The following SEMA5A variants were observed in gnomAD, a reference collection of about 807,000 sequenced individuals.
SEMA5A encodes the protein semaphorin 5A, also known as semaphorin-5A.
Under a neutral mutation model 135.5 loss-of-function variants are expected in SEMA5A, and 55 were observed. That is an observed-to-expected ratio of 0.41 (90% CI 0.33 to 0.51). The LOEUF (loss-of-function observed/expected upper bound fraction) is 0.51, where lower values mean the gene tolerates loss of function less well. Ranked by LOEUF, SEMA5A falls within the 20% of genes least tolerant of loss-of-function variation. The pLI, the probability that SEMA5A is intolerant of heterozygous loss-of-function variation, is 0.37. For synonymous variants in SEMA5A, 580 were observed against 546.5 expected (o/e 1.06, Z -0.85); for missense variants, 1,290 against 1,419.9 (o/e 0.91, Z 1.47).
chr5:9,254,490 C>T (rs777323003), intron 5 of SEMA5A, among the ~76,000 whole-genome samples: 1 of 152,234 alleles, frequency 6.6e-6, no homozygotes, highest in Admixed American at 6.5e-5. Context: ...AAAAACATCT[C>T]ACATTCATGA....
intron 1 of SEMA5A, among the ~76,000 whole-genome samples, chr5:9,511,182 T>C (rs1736187662): frequency 6.6e-6 from 1 of 152,220 alleles, no homozygotes; most frequent in South Asian, 2.1e-4. Context: ...GAGTGATGAA[T>C]TTTATAGGTA....
intron 5 of SEMA5A, among the ~76,000 whole-genome samples, chr5:9,298,416 C>A (rs565424442): frequency 6.6e-6 from 1 of 152,268 alleles, no homozygotes; most frequent in Middle Eastern, 3.4e-3. Flanking sequence ...AGATTTCAGG[C>A]CTCCAGAACT....
chr5:9,518,787 C>T (rs955739975), intron 1 of SEMA5A, among the ~76,000 whole-genome samples: 46 of 152,232 alleles, frequency 3.0e-4, no homozygotes, highest in African/African-American at 9.1e-4. Flanking sequence ...TTTTAAAAAA[C>T]AGAGGAGATG....
At position 9,190,353 on chromosome 5, in the gene SEMA5A, A is replaced by C; in HGVS notation, c.1187T>G (p.Met396Arg). The change falls in exon 11 of 23, where the codon ATG (methionine) becomes AGG (arginine). Residue 396 changes from methionine (M) to arginine (R), a missense_variant. Around this residue, in one of 3 missense-constraint regions of SEMA5A, gnomAD observed 1,029 missense variants for 1,086.6 expected, o/e 0.95. Transcript: ENST00000382496. ...GTGGGAAAAGCGGCTATTGTCCTCC[A>C]TGAAGGAGGGCACTGTGGTCACTGG... Reference protein sequence around the residue: ...VQPVTTVPSFMEDNSRFSHVA... With the variant: ...VQPVTTVPSFREDNSRFSHVA... 6.2e-7 allele frequency: 1 copy of C among 1,614,012 alleles called. No individual in the cohort carries two copies. Among genetic ancestry groups the C allele is most frequent in the Non-Finnish European group, 8.5e-7 (1 of 1,179,980 alleles).
At chr5:9,198,113 A>G (rs1745517691) in intron 9 of SEMA5A, among the ~76,000 whole-genome samples, 1 of 152,146 alleles carries the variant, frequency 6.6e-6, no homozygotes, top group African/African-American at 2.4e-5. Flanking sequence ...GTGGAGATAA[A>G]ACAAGAAAGC....
Position 9,418,711 on chromosome 5 carries a change from G to A in SEMA5A, c.-78+19045C>T, listed in dbSNP as rs147559580. On this transcript the variant is annotated intron_variant, in intron 2 of 22. Transcript: ENST00000382496. ...TCTGACATATATGTATTTATACCCC[G>A]GAGAGTAATCAAATTGTACTACATA... Among the ~76,000 whole-genome samples, 52 of 152,236 alleles carry A rather than the reference G, an allele frequency of 3.4e-4. No homozygotes were observed. In the Middle Eastern group the frequency reaches 0.01, roughly 30 times the overall value.
chr5:9,181,704 A>C lies in SEMA5A; in HGVS notation c.1273+8563T>G, dbSNP rs151028405. ...GAAACACGTTCCTCTGAGGTCCGGA[A>C]GGGATGCGACAGTGAGTATGTGGAG... is the stretch of plus-strand genomic sequence containing the variant. On this transcript the variant is annotated intron_variant, in intron 11 of 22. Coordinates refer to ENST00000382496, the MANE Select transcript of SEMA5A (RefSeq NM_003966.3). Among the ~76,000 whole-genome samples the C allele has an allele frequency of 9.8e-3, 1,498 of 152,258 alleles. 24 individuals carry two copies. Among genetic ancestry groups the C allele is most frequent in the African/African-American group, 0.034 (1,420 of 41,546 alleles).
At chr5:9,213,371 T>C (rs4702613) in intron 8 of SEMA5A, among the ~76,000 whole-genome samples, 63,348 of 152,026 alleles carry the variant, frequency 0.42, 13,582 homozygotes, top group South Asian at 0.57. Flanking sequence ...ACTTTCATTG[T>C]AGTGGTGGGA....
intron 3 of SEMA5A, among the ~76,000 whole-genome samples, chr5:9,365,203 A>G (rs1754862712): frequency 6.6e-6 from 1 of 152,160 alleles, no homozygotes; most frequent in Non-Finnish European, 1.5e-5. Context: ...TGCTAACAGA[A>G]CCTGATTTTG....
rs139882587 is a variant in SEMA5A, at chr5:9,051,924, C to T, written c.2794G>A (p.Gly932Arg). The change falls in exon 20 of 23, where the codon GGG becomes AGG. Residue 932 changes from glycine to arginine, a missense_variant. Transcript: ENST00000382496. Reference protein sequence around the residue: ...LLFPMGSQCSGNTTESRPCVF... With the variant: ...LLFPMGSQCSRNTTESRPCVF... ...CACGGCCGGCTCTCCGTGGTGTTCCCGGAGCACTGGCTGCCCATGGGGAAC... is the reference window on the plus strand; with the variant it reads ...CACGGCCGGCTCTCCGTGGTGTTCCTGGAGCACTGGCTGCCCATGGGGAAC... 3.6e-4 allele frequency: 583 copies of T among 1,614,148 alleles called. 1 individual carries two copies. Among genetic ancestry groups the T allele is most frequent in the Non-Finnish European group, 4.5e-4 (534 of 1,180,030 alleles).
At chr5:9,269,266 CA>C (rs1404473083) in intron 5 of SEMA5A, among the ~76,000 whole-genome samples, 3 of 152,088 alleles carry the variant, frequency 2.0e-5, no homozygotes, top group African/African-American at 7.2e-5. Flanking sequence ...AGATGGCAGG[CA>C]GGAGATGGCC....
chr5:9,398,957 T>C (rs1756526267), intron 2 of SEMA5A, among the ~76,000 whole-genome samples: 3 of 152,212 alleles, frequency 2.0e-5, no homozygotes, highest in Non-Finnish European at 2.9e-5. Flanking sequence ...GCAAAAATAT[T>C]GTACCATCAT....
chr5:9,109,320 G>A (rs968628508), intron 15 of SEMA5A, among the ~76,000 whole-genome samples: 3 of 152,224 alleles, frequency 2.0e-5, no homozygotes, highest in Admixed American at 6.5e-5. Flanking sequence ...GATTACAGGC[G>A]TGAGCCACCG....
intron 3 of SEMA5A, among the ~76,000 whole-genome samples, chr5:9,342,804 G>C (rs893119756): frequency 6.6e-6 from 1 of 152,124 alleles, no homozygotes; most frequent in Non-Finnish European, 1.5e-5. Context: ...CTTATCATAG[G>C]TGAAGAAACT....
At chr5:9,203,554 C>A (rs1182767094) in intron 8 of SEMA5A, among the ~76,000 whole-genome samples, 2 of 152,168 alleles carry the variant, frequency 1.3e-5, no homozygotes, top group Non-Finnish European at 2.9e-5. Context: ...GGATTGACTA[C>A]TCTGTTATTC....
chr5:9,330,306 C>T (rs911880420), intron 4 of SEMA5A, among the ~76,000 whole-genome samples: 2 of 151,034 alleles, frequency 1.3e-5, no homozygotes, highest in Non-Finnish European at 2.9e-5. Flanking sequence ...AGAAGAATGG[C>T]GTGAACCCGG....
Position 9,146,814 on chromosome 5 carries a change from A to G in SEMA5A, c.1481+7674T>C, listed in dbSNP as rs573746848. ...AATATAATATAAAGGAATTAATTAC[A>G]AAAAATCCACATTCTCTAGAGGTTA... On this transcript the variant is annotated intron_variant, in intron 12 of 22. Transcript: ENST00000382496. 1.9e-4 allele frequency among the ~76,000 whole-genome samples: 29 copies of G among 152,342 alleles called. No homozygotes were observed. The East Asian group carries it at 5.6e-3, about 29-fold the overall frequency.
At chr5:9,520,401 G>A (rs531707103) in intron 1 of SEMA5A, among the ~76,000 whole-genome samples, 7 of 152,248 alleles carry the variant, frequency 4.6e-5, no homozygotes, top group East Asian at 1.9e-4. Flanking sequence ...GGAGGGAGTC[G>A]CTGAAATGGA....
At chr5:9,043,688 C>G (rs191997678) in intron 22 of SEMA5A, among the ~76,000 whole-genome samples, 1 of 152,212 alleles carries the variant, frequency 6.6e-6, no homozygotes, top group Non-Finnish European at 1.5e-5. Flanking sequence ...AAGTATCAGA[C>G]AAATGTTCTA....
Sources: gnomAD v4.1 joint callset for allele counts (sites outside exome capture counted in the v4.1 genomes callset) on GRCh38, gnomAD v4.1.1 for gene constraint, gnomAD v4.1.1 regional missense constraint, MANE v1.5 for transcripts, NCBI Gene and HGNC (gene_info 2026-07-23, HGNC 2026-07-21) for gene names.